Variants in ROR1 observed in about 807,000 individuals in gnomAD.
ROR1 encodes the protein ROR family WNT receptor 1.
Under a neutral mutation model 78.8 loss-of-function variants are expected in ROR1, and 19 were observed. That is an observed-to-expected ratio of 0.24 (90% CI 0.17 to 0.35). The LOEUF is 0.35. ROR1 is among the 10% of genes least tolerant of loss of function. The pLI is 1.00. For missense variants in ROR1, 917 were observed against 1,177.8 expected, an observed-to-expected ratio of 0.78 and a Z score of 3.24; for synonymous variants, 386 against 433.6, an observed-to-expected ratio of 0.89 and a Z score of 1.36.
chr1:63,775,545 T>C (rs1184836064), intron 1 of ROR1: 1 of 152,224 alleles, frequency 6.6e-6, no homozygotes, highest in Non-Finnish European at 1.5e-5. Context: ...AGCGGATAAA[T>C]AGATCTCTGC....
intron 2 of ROR1, among the ~76,000 whole-genome samples, chr1:64,045,583 T>C (rs556918233): frequency 2.0e-5 from 3 of 152,278 alleles, no homozygotes; most frequent in African/African-American, 7.2e-5. Flanking sequence ...CAAAATAATT[T>C]GTTTAAAATC....
At chr1:64,106,161 A>G (rs1647795727) in intron 4 of ROR1, 1 of 152,116 alleles carries the variant, frequency 6.6e-6, no homozygotes. Context: ...GTTCTCCTTG[A>G]AAAGGTCCTT....
chr1:63,980,774 G>T (rs1420651939), intron 1 of ROR1, among the ~76,000 whole-genome samples: 2 of 152,216 alleles, frequency 1.3e-5, no homozygotes, highest in Admixed American at 6.5e-5. Context: ...AAGGGAAGGA[G>T]GTAGGGATGG....
At chr1:63,830,032 TA>T (rs901343709) in intron 1 of ROR1, among the ~76,000 whole-genome samples, 6 of 151,672 alleles carry the variant, frequency 4.0e-5, no homozygotes, top group Admixed American at 3.3e-4. Flanking sequence ...AAAACCTTCA[TA>T]AAAACTTAAT....
chr1:64,167,419 G>A (rs1229904416), intron 8 of ROR1, among the ~76,000 whole-genome samples: 2 of 152,170 alleles, frequency 1.3e-5, no homozygotes, highest in Non-Finnish European at 2.9e-5. Context: ...TGAACTCCAA[G>A]CAAGTGTGGC....
intron 2 of ROR1, among the ~76,000 whole-genome samples, chr1:64,041,306 C>T (rs1400387974): frequency 6.6e-6 from 1 of 152,044 alleles, no homozygotes; most frequent in Non-Finnish European, 1.5e-5. Context: ...TTAATTATAC[C>T]TGAGACATAA....
Position 64,142,483 on chromosome 1 carries a change from C to T in ROR1, c.1007C>T (p.Pro336Leu). 6.2e-7 allele frequency: 1 copy of T among 1,614,190 alleles called. No individual in the cohort carries two copies. The highest frequency in any genetic ancestry group is 1.1e-5 in the South Asian group (1 of 91,078). Reference sequence around the variant, plus strand: ...ACCAAATCAGGGCGCCAGTGCCAGCCATGGAATTCCCAGTATCCCCACACA... The same window carrying T: ...ACCAAATCAGGGCGCCAGTGCCAGCTATGGAATTCCCAGTATCCCCACACA... Reference protein sequence around the residue: ...SVTKSGRQCQPWNSQYPHTHT... With the variant: ...SVTKSGRQCQLWNSQYPHTHT... Residue 336 changes from proline to leucine, a missense_variant, in exon 7 of 9, where the codon CCA becomes CTA. Pro to Leu is a moderately conservative substitution (Grantham distance 98). Around this residue, in one of 3 missense-constraint regions of ROR1, gnomAD observed 835 missense variants for 1,069.8 expected, o/e 0.78. Transcript: ENST00000371079.
chr1:63,910,535 T>A (rs1263454899), intron 1 of ROR1, among the ~76,000 whole-genome samples: 1 of 152,104 alleles, frequency 6.6e-6, no homozygotes, highest in Admixed American at 6.5e-5. Context: ...CTTTGCCTCT[T>A]GAAATTTAGT....
intron 4 of ROR1, among the ~76,000 whole-genome samples, chr1:64,060,170 T>A (rs1361221255): frequency 6.6e-6 from 1 of 151,420 alleles, no homozygotes; most frequent in East Asian, 1.9e-4. Context: ...AAGGGCATGG[T>A]AAAAAAAAAT....
chr1:63,917,168 TTTATAA>T (rs1340536362), intron 1 of ROR1, among the ~76,000 whole-genome samples: 1 of 152,186 alleles, frequency 6.6e-6, no homozygotes, highest in Non-Finnish European at 1.5e-5. Flanking sequence ...CCTGTCCCAG[TTTATAA>T]TTATACATTT....
At chr1:64,079,832 A>G (rs1331098282) in intron 4 of ROR1, among the ~76,000 whole-genome samples, 1 of 68,334 alleles carries the variant, frequency 1.5e-5, no homozygotes, top group Non-Finnish European at 2.9e-5. Context: ...TGTGGAAACA[A>G]TCTTGATTTT....
At position 64,038,547 on chromosome 1, in the gene ROR1, G is replaced by A. The variant is rs76506569; in HGVS notation, c.164-11144G>A. 1.3e-4 allele frequency among the ~76,000 whole-genome samples: 20 copies of A among 152,170 alleles called. 1 individual carries two copies. Among genetic ancestry groups the A allele is most frequent in the African/African-American group, 2.2e-4 (9 of 41,526 alleles). The stretch of plus-strand genomic sequence containing the variant: ...CACCTCTTTTTAAAAAAATTCCACC[G>A]ATTGCAAGGTGTTACCTCCTTTGGA... On this transcript the variant is annotated intron_variant, in intron 2 of 8. Coordinates refer to ENST00000371079, the MANE Select transcript of ROR1 (RefSeq NM_005012.4).
At position 63,831,100 on chromosome 1, in the gene ROR1, A is replaced by G. The variant is rs531346225; in HGVS notation, c.91+56592A>G. ...AGCTCTGCCCCTATGGCTCTGCAGG[A>G]TACAGCACCCCTGACACACAGCTGC... On this transcript the variant is annotated intron_variant, in intron 1 of 8. Transcript: ENST00000371079. Among the ~76,000 whole-genome samples the G allele has an allele frequency of 5.3e-5, 8 of 152,254 alleles. No individual in the cohort carries two copies. In the South Asian group the frequency reaches 1.7e-3, roughly 32 times the overall value.
At chr1:64,150,440 A>G (rs1244809866) in intron 7 of ROR1, among the ~76,000 whole-genome samples, 1 of 152,232 alleles carries the variant, frequency 6.6e-6, no homozygotes, top group Non-Finnish European at 1.5e-5. Context: ...AGTTTGTCAC[A>G]AACCATATTC....
chr1:64,175,297 T>C (rs1313722214), intron 8 of ROR1, among the ~76,000 whole-genome samples: 2 of 152,086 alleles, frequency 1.3e-5, no homozygotes, highest in Non-Finnish European at 2.9e-5. Flanking sequence ...AACTGTTCTG[T>C]TGCTTTTTAT....
intron 5 of ROR1, 100 bp downstream of exon 5, chr1:64,137,596 A>C: frequency 8.2e-7 from 1 of 1,216,744 alleles, no homozygotes; most frequent in Non-Finnish European, 1.2e-6. Flanking sequence ...TAAGCTCAGC[A>C]TGGAGGTTGG....
At chr1:64,109,416 G>T (rs970715192) in intron 4 of ROR1, among the ~76,000 whole-genome samples, 11 of 152,138 alleles carry the variant, frequency 7.2e-5, no homozygotes, top group Admixed American at 5.9e-4. Context: ...TGAGCACTCT[G>T]AGCAGGTGGC....
intron 7 of ROR1, among the ~76,000 whole-genome samples, chr1:64,146,431 G>A (rs1474043182): frequency 2.0e-5 from 3 of 152,148 alleles, no homozygotes; most frequent in Non-Finnish European, 2.9e-5. Context: ...AGCCGAGATC[G>A]CACCACTGCA....
chr1:63,958,907 A>G (rs1015478187), intron 1 of ROR1, among the ~76,000 whole-genome samples: 4 of 152,192 alleles, frequency 2.6e-5, no homozygotes, highest in Non-Finnish European at 4.4e-5. Flanking sequence ...ACTTGGTCAC[A>G]TGCCCACATC....
Sources: allele counts gnomAD v4.1 joint callset (sites outside exome capture counted in the v4.1 genomes callset), GRCh38; gene constraint gnomAD v4.1.1; regional missense constraint gnomAD v4.1.1; transcripts MANE v1.5; gene names NCBI Gene and HGNC (gene_info 2026-07-23, HGNC 2026-07-21).